ZNF136: variants seen among roughly 807,000 people sequenced by gnomAD.
ZNF136 encodes the protein zinc finger protein 136, also known as zinc finger protein 136 (clone pHZ-20).
ZNF136 carries 8 observed loss-of-function variants against 11.4 expected under a neutral mutation model. That is an observed-to-expected ratio of 0.70 (90% CI 0.41 to 1.27). The LOEUF (loss-of-function observed/expected upper bound fraction) is 1.27. Ranked by LOEUF, ZNF136 falls within the 50% of genes most tolerant of loss-of-function variation. The pLI is 0.01. For missense variants in ZNF136, 590 were observed against 656.5 expected, an observed-to-expected ratio of 0.90 and a Z score of 1.11; for synonymous variants, 190 against 207.1, an observed-to-expected ratio of 0.92 and a Z score of 0.71.
chr19:12,170,075 TGA>T (rs1914610546), intron 1 of ZNF136, among the ~76,000 whole-genome samples: 7 of 147,628 alleles, frequency 4.7e-5, no homozygotes, highest in Non-Finnish European at 1.1e-4. Context: ...ATTACAGGCG[TGA>T]GCCACCACGC....
At position 12,187,885 on chromosome 19, in the gene ZNF136, C is replaced by A; in HGVS notation, c.1507C>A (p.Pro503Thr). Residue 503 changes from proline (P) to threonine (T), a missense_variant, in exon 4 of 4, where the codon CCC becomes ACC. Physicochemically the swap from Pro to Thr is conservative, Grantham distance 38. Coordinates refer to ENST00000343979, the MANE Select transcript of ZNF136 (RefSeq NM_003437.5). ...LHERTHTGQK[P>T]YHCKECGKAY... ...TGAAAGGACTCACACTGGACAGAAA[C>A]CCTATCATTGCAAGGAATGTGGGAA... 2.5e-6 allele frequency: 4 copies of A among 1,600,550 alleles called. No individual in the cohort carries two copies. The highest frequency in any genetic ancestry group is 3.4e-6 in the Non-Finnish European group (4 of 1,175,862).
At position 12,181,435 on chromosome 19, in the gene ZNF136, A is replaced by G. The variant is rs1914938503; in HGVS notation, c.4-4350A>G. Among the ~76,000 whole-genome samples, 3 of 150,812 alleles carry G rather than the reference A, an allele frequency of 2.0e-5. No individual in the cohort carries two copies. The South Asian group carries it at 6.3e-4, about 32-fold the overall frequency. ...TGTTCTCGGATGCACAGTGTTATCAACTATTTGGTTTTTTTGTTTTGTTTT... is the reference window on the plus strand; with the variant it reads ...TGTTCTCGGATGCACAGTGTTATCAGCTATTTGGTTTTTTTGTTTTGTTTT... On this transcript the variant is annotated intron_variant, in intron 1 of 3. Coordinates refer to ENST00000343979, the MANE Select transcript of ZNF136 (RefSeq NM_003437.5).
chr19:12,186,126 A>G lies in ZNF136; in HGVS notation c.143A>G (p.Lys48Arg), dbSNP rs571905158. The change falls in exon 3 of 4, where the codon AAG becomes AGG. Residue 48 changes from lysine to arginine, a missense_variant. Transcript: ENST00000343979. ...GTCTCTGTTTTAGGGAAAAAATGGA[A>G]GGACCAGAACATTAAAGATCACTAC... The part of the protein sequence containing the change: ...RNLASIGKKW[K>R]DQNIKDHYKH... 6.2e-7 allele frequency: 1 copy of G among 1,609,468 alleles called. No individual in the cohort carries two copies. Among genetic ancestry groups the G allele is most frequent in the Non-Finnish European group, 8.5e-7 (1 of 1,178,934 alleles).
chr19:12,166,590 A>G (rs1007857828), intron 1 of ZNF136, among the ~76,000 whole-genome samples: 1 of 152,218 alleles, frequency 6.6e-6, no homozygotes, highest in Non-Finnish European at 1.5e-5. Flanking sequence ...GCAGATTCTA[A>G]ATCTTAGGGA....
chr19:12,170,041 A>G (rs1002740057), intron 1 of ZNF136, among the ~76,000 whole-genome samples: 28 of 147,142 alleles, frequency 1.9e-4, no homozygotes, highest in Non-Finnish European at 3.5e-4. Context: ...TGATCTGCCC[A>G]CCTTGGCCTC....
At chr19:12,169,116 A>G (rs1435892784) in intron 1 of ZNF136, among the ~76,000 whole-genome samples, 3 of 152,196 alleles carry the variant, frequency 2.0e-5, no homozygotes, top group Admixed American at 1.3e-4. Flanking sequence ...CTCCCAGCAC[A>G]TCAGGGCCGG....
chr19:12,170,127 G>A (rs111388156), intron 1 of ZNF136, among the ~76,000 whole-genome samples: 10,025 of 123,270 alleles, frequency 0.081, 424 homozygotes, highest in Middle Eastern at 0.12. Context: ...ACGGGGTTTC[G>A]CTGTGTTAGC....
chr19:12,173,334 A>G (rs1460795469), intron 1 of ZNF136, among the ~76,000 whole-genome samples: 1 of 152,154 alleles, frequency 6.6e-6, no homozygotes, highest in Non-Finnish European at 1.5e-5. Context: ...GGGGTGTTCC[A>G]TACTTTTATC....
chr19:12,163,285 G>A, intron 1 of ZNF136, 79 bp downstream of exon 1: 1 of 1,328,732 alleles, frequency 7.5e-7, no homozygotes, highest in Non-Finnish European at 9.7e-7. Context: ...GGCGCGGCCC[G>A]GGCCTTCCCG....
chr19:12,188,036 C>A lies in ZNF136; in HGVS notation c.*35C>A. ...TTCATGTCAGATACATTAAAATACTCACTGAAGAGAAGCCCTATGAATGTA... is the reference window on the plus strand; with the variant it reads ...TTCATGTCAGATACATTAAAATACTAACTGAAGAGAAGCCCTATGAATGTA... On this transcript the variant is annotated 3_prime_UTR_variant, in exon 4 of 4. Transcript: ENST00000343979. 1 of 1,461,280 alleles carries A rather than the reference C, an allele frequency of 6.8e-7. No individual in the cohort carries two copies. Among genetic ancestry groups the A allele is most frequent in the Non-Finnish European group, 9.1e-7 (1 of 1,103,528 alleles). 90.5% of individuals were successfully genotyped at this position (1,461,280 alleles called of 1,614,324 possible). A position where few individuals can be genotyped will look rare whatever the true frequency, so the allele number is the denominator to read the frequency against.
intron 1 of ZNF136, among the ~76,000 whole-genome samples, chr19:12,170,561 A>T (rs1029033553): frequency 6.7e-6 from 1 of 149,384 alleles, no homozygotes; most frequent in Non-Finnish European, 1.5e-5. Flanking sequence ...TAATGGTTGT[A>T]TTTTTTTATA....
At chr19:12,178,648 A>G (rs954046154) in intron 1 of ZNF136, among the ~76,000 whole-genome samples, 6 of 152,214 alleles carry the variant, frequency 3.9e-5, no homozygotes, top group Non-Finnish European at 7.3e-5. Context: ...ATCATGGATC[A>G]GATCAACTTT....
At chr19:12,163,420 G>A (rs1159215432) in intron 1 of ZNF136, among the ~76,000 whole-genome samples, 1 of 152,244 alleles carries the variant, frequency 6.6e-6, no homozygotes, top group Non-Finnish European at 1.5e-5. Flanking sequence ...CCTGTGCCGC[G>A]ATTGCGGCCC....
At chr19:12,176,670 T>A (rs149839986) in intron 1 of ZNF136, among the ~76,000 whole-genome samples, 176 of 152,218 alleles carry the variant, frequency 1.2e-3, no homozygotes, top group African/African-American at 4.1e-3. Flanking sequence ...GATCTCCTAG[T>A]GGGTGCTGCG....
chr19:12,163,320 G>C (rs1476791730), intron 1 of ZNF136, 114 bp downstream of exon 1: 2 of 1,260,408 alleles, frequency 1.6e-6, no homozygotes, highest in African/African-American at 1.5e-5. Flanking sequence ...TCTGCGTACC[G>C]AGTCCCTCTG....
At position 12,189,404 on chromosome 19, in the gene ZNF136, G is replaced by A. The variant is rs1568406313; in HGVS notation, c.*1403G>A. The A allele has an allele frequency of 6.6e-6, 1 of 151,982 alleles. No individual in the cohort carries two copies. The highest frequency in any genetic ancestry group is 1.5e-5 in the Non-Finnish European group (1 of 68,046). 9.4% of individuals were successfully genotyped at this position (151,982 alleles called of 1,614,324 possible). On this transcript the variant is annotated 3_prime_UTR_variant, in exon 4 of 4. Transcript: ENST00000343979. The stretch of plus-strand genomic sequence containing the variant: ...CGCTCTGTGCTCTGTTGCCCAAGCT[G>A]GAGTACAGTGGCATGATCTCGGCTC...
intron 3 of ZNF136, 29 bp downstream of exon 3, chr19:12,186,203 A>G (rs528186454): frequency 2.4e-5 from 39 of 1,592,998 alleles, no homozygotes; most frequent in Admixed American, 2.0e-4. Flanking sequence ...AAGCAAATTC[A>G]CTTGAAAGTA....
intron 1 of ZNF136, among the ~76,000 whole-genome samples, chr19:12,175,520 T>G (rs1018567755): frequency 1.3e-5 from 2 of 152,160 alleles, no homozygotes; most frequent in African/African-American, 4.8e-5. Context: ...TAGAGTAGTT[T>G]TAGGTTCACA....
intron 1 of ZNF136, among the ~76,000 whole-genome samples, chr19:12,173,831 C>G (rs139827026): frequency 4.6e-4 from 70 of 152,218 alleles, no homozygotes; most frequent in Non-Finnish European, 8.8e-4. Flanking sequence ...GCTGCTGTCC[C>G]CAGGTAGATA....
Sources: gnomAD v4.1 joint callset for allele counts (sites outside exome capture counted in the v4.1 genomes callset) on GRCh38, gnomAD v4.1.1 for gene constraint, MANE v1.5 for transcripts, NCBI Gene and HGNC (gene_info 2026-07-23, HGNC 2026-07-21) for gene names.